Variants in NFIB observed in about 807,000 individuals in gnomAD.
The protein encoded by NFIB is nuclear factor I B.
In NFIB, 11 loss-of-function variants were observed where a neutral mutation model predicts 61.5. That is an observed-to-expected ratio of 0.18 (90% CI 0.11 to 0.30). The LOEUF (loss-of-function observed/expected upper bound fraction) is 0.30. NFIB is among the 10% of genes least tolerant of loss of function. The pLI, the probability that NFIB is intolerant of heterozygous loss-of-function variation, is 1.00. For missense variants in NFIB, 471 were observed against 608.9 expected, an observed-to-expected ratio of 0.77 and a Z score of 2.38; for synonymous variants, 260 against 216.5, an observed-to-expected ratio of 1.20 and a Z score of -1.76.
intron 4 of NFIB, among the ~76,000 whole-genome samples, chr9:14,154,453 G>C (rs1377498724): frequency 6.6e-6 from 1 of 152,138 alleles, no homozygotes; most frequent in African/African-American, 2.4e-5. Context: ...CTACTGGTAA[G>C]TCAGGCATAT....
At chr9:14,216,627 G>C (rs1378695327) in intron 2 of NFIB, among the ~76,000 whole-genome samples, 1 of 150,818 alleles carries the variant, frequency 6.6e-6, no homozygotes, top group African/African-American at 2.4e-5. Flanking sequence ...ACAAAAGAGA[G>C]TGAACCTCAG....
At chr9:14,123,467 G>A (rs1316076916) in intron 7 of NFIB, among the ~76,000 whole-genome samples, 1 of 152,206 alleles carries the variant, frequency 6.6e-6, no homozygotes, top group Admixed American at 6.5e-5. Flanking sequence ...TTATAATCAT[G>A]TAACTTCTCC....
the NFIB span, among the ~76,000 whole-genome samples, chr9:14,502,565 T>G: frequency 6.6e-6 from 1 of 152,196 alleles, no homozygotes; most frequent in Non-Finnish European, 1.5e-5. Flanking sequence ...GGTACGTAAG[T>G]CATCTGTGCG....
intron 1 of NFIB, among the ~76,000 whole-genome samples, chr9:14,326,262 A>G (rs569102497): frequency 6.6e-6 from 1 of 152,332 alleles, no homozygotes; most frequent in African/African-American, 2.4e-5. Context: ...TATTGATGGT[A>G]AAAACAAATG....
At chr9:14,418,561 T>C in the NFIB span, among the ~76,000 whole-genome samples, 1 of 152,204 alleles carries the variant, frequency 6.6e-6, no homozygotes, top group Non-Finnish European at 1.5e-5. Context: ...GGAAACTCAG[T>C]GCACCATCCT....
chr9:14,273,753 G>A (rs1182268911), intron 2 of NFIB, among the ~76,000 whole-genome samples: 3 of 152,234 alleles, frequency 2.0e-5, no homozygotes, highest in Non-Finnish European at 4.4e-5. Context: ...CTTAATCTCA[G>A]CACGCATCTC....
At chr9:14,391,302 G>C (rs1258273892) in intron 1 of NFIB, among the ~76,000 whole-genome samples, 4 of 151,668 alleles carry the variant, frequency 2.6e-5, no homozygotes, top group African/African-American at 9.7e-5. Flanking sequence ...AGGGTAGGTA[G>C]TTAGGCAGAC....
the NFIB span, among the ~76,000 whole-genome samples, chr9:14,494,454 T>C: frequency 2.0e-5 from 3 of 152,142 alleles, no homozygotes; most frequent in Admixed American, 6.5e-5. Flanking sequence ...CATTAAAGGG[T>C]CTTTTAAATG....
chr9:14,531,165 G>A, the NFIB span, among the ~76,000 whole-genome samples: 1 of 152,242 alleles, frequency 6.6e-6, no homozygotes, highest in Admixed American at 6.5e-5. Context: ...ATTACAGAAA[G>A]TTACAACTTC....
At chr9:14,511,600 G>A in the NFIB span, among the ~76,000 whole-genome samples, 2 of 152,154 alleles carry the variant, frequency 1.3e-5, no homozygotes, top group Non-Finnish European at 2.9e-5. Flanking sequence ...AGGCTAGCCT[G>A]AGATGACACA....
intron 10 of NFIB, among the ~76,000 whole-genome samples, chr9:14,100,890 T>C (rs2118821439): frequency 6.6e-6 from 1 of 152,198 alleles, no homozygotes; most frequent in East Asian, 1.9e-4. Flanking sequence ...CGTCATCTGG[T>C]TTGCAATTGT....
intron 2 of NFIB, among the ~76,000 whole-genome samples, chr9:14,233,035 T>C (rs975431820): frequency 6.6e-6 from 1 of 152,120 alleles, no homozygotes; most frequent in African/African-American, 2.4e-5. Context: ...CACTTGCTCT[T>C]GATAGGATAG....
intron 2 of NFIB, among the ~76,000 whole-genome samples, chr9:14,287,103 AT>A (rs1163360479): frequency 6.6e-6 from 1 of 152,122 alleles, no homozygotes; most frequent in Non-Finnish European, 1.5e-5. Context: ...TGGGTATATG[AT>A]TTGTAACCTT....
intron 1 of NFIB, among the ~76,000 whole-genome samples, chr9:14,343,827 G>A (rs187213738): frequency 1.1e-4 from 15 of 132,558 alleles, no homozygotes; most frequent in Non-Finnish European, 2.1e-4. Context: ...GGGGACAAGG[G>A]GGGGTCGGGG....
chr9:14,213,861 A>C (rs1013062229), intron 2 of NFIB, among the ~76,000 whole-genome samples: 8 of 152,142 alleles, frequency 5.3e-5, no homozygotes, highest in Non-Finnish European at 1.0e-4. Flanking sequence ...AACTGTAAGG[A>C]ACTGTTATCA....
At chr9:14,481,195 GTGTA>G in the NFIB span, among the ~76,000 whole-genome samples, 51 of 35,068 alleles carry the variant, frequency 1.5e-3, no homozygotes, top group African/African-American at 4.3e-3. Flanking sequence ...GTGTGTGTGT[GTGTA>G]TATATATATA....
chr9:14,450,517 T>G, the NFIB span, among the ~76,000 whole-genome samples: 1 of 152,210 alleles, frequency 6.6e-6, no homozygotes, highest in East Asian at 1.9e-4. Flanking sequence ...AGATCATTTA[T>G]TCTGTACTTT....
rs1054866502 is a variant in NFIB at position 14,223,373 on chromosome 9, A to G, written c.563-43593T>C. Among the ~76,000 whole-genome samples, 22 of 152,194 alleles carry G rather than the reference A, an allele frequency of 1.4e-4. 3 individuals are homozygous for G. Among genetic ancestry groups the G allele is most frequent in the Admixed American group, 1.2e-3 (19 of 15,278 alleles). ...ACTCCAGTTCAGACTCATGATACTA[A>G]TAACTTCTCCACTGCATTGCTTTTC... is the stretch of plus-strand genomic sequence containing the variant. On this transcript the variant is annotated intron_variant, in intron 2 of 10. Coordinates refer to ENST00000380953, the MANE Select transcript of NFIB (RefSeq NM_001190737.2).
rs567324469 is a variant in NFIB, at chr9:14,256,730, T to C, written c.562+50259A>G. 8.5e-5 allele frequency among the ~76,000 whole-genome samples: 13 copies of C among 152,162 alleles called. 1 individual carries two copies. In the South Asian group the frequency reaches 2.3e-3, roughly 27 times the overall value. ...AACTGGACCCAAAGTGACAAGACCA[T>C]TGGGTGAGAAGGGTGAGAGGGAGCT... On this transcript the variant is annotated intron_variant, in intron 2 of 10. Coordinates refer to ENST00000380953, the MANE Select transcript of NFIB (RefSeq NM_001190737.2).
Sources: gnomAD v4.1 joint callset for allele counts (sites outside exome capture counted in the v4.1 genomes callset) on GRCh38, gnomAD v4.1.1 for gene constraint, MANE v1.5 for transcripts, NCBI Gene and HGNC (gene_info 2026-07-23, HGNC 2026-07-21) for gene names.